The following FAM110B variants were observed in gnomAD, a reference collection of about 807,000 sequenced individuals.
The protein encoded by FAM110B is family with sequence similarity 110 member B.
FAM110B carries 6 observed loss-of-function variants against 20.4 expected under a neutral mutation model. That is an observed-to-expected ratio of 0.29 (90% CI 0.16 to 0.58). FAM110B has a LOEUF of 0.58. Ranked by LOEUF, FAM110B falls within the 20% of genes least tolerant of loss-of-function variation. The pLI, the probability that FAM110B is intolerant of heterozygous loss-of-function variation, is 0.90. For missense variants in FAM110B, 434 were observed against 498.2 expected (o/e 0.87, Z 1.23); for synonymous variants, 226 against 214.1 (o/e 1.06, Z -0.49).
chr8:58,004,113 G>T (rs560782396), intron 1 of FAM110B, among the ~76,000 whole-genome samples: 3 of 152,232 alleles, frequency 2.0e-5, no homozygotes, highest in South Asian at 4.1e-4. Context: ...TAAGAAGCAC[G>T]CAACCCAGAT....
At chr8:58,112,964 T>C (rs1807100217) in intron 3 of FAM110B, among the ~76,000 whole-genome samples, 1 of 152,102 alleles carries the variant, frequency 6.6e-6, no homozygotes, top group Non-Finnish European at 1.5e-5. Flanking sequence ...TGCCAACAGA[T>C]TTCGTGTCTA....
At chr8:58,006,924 T>TATATATATATATATATATATATA (rs6150600) in intron 1 of FAM110B, among the ~76,000 whole-genome samples, 87 of 110,910 alleles carry the variant, frequency 7.8e-4, no homozygotes, top group Non-Finnish European at 1.1e-3. Flanking sequence ...TATATATATA[T>TATATATATATATATATATATATA]TTTTCCAAAA....
intron 3 of FAM110B, among the ~76,000 whole-genome samples, chr8:58,135,144 C>T (rs1803579743): frequency 6.6e-6 from 1 of 152,226 alleles, no homozygotes; most frequent in Non-Finnish European, 1.5e-5. Context: ...CCCTCCATAG[C>T]TGAACATCTT....
chr8:58,046,057 A>G (rs913617817), intron 2 of FAM110B, among the ~76,000 whole-genome samples: 1 of 152,102 alleles, frequency 6.6e-6, no homozygotes, highest in Non-Finnish European at 1.5e-5. Context: ...TTGTATCCTA[A>G]TCATCTCCCA....
intron 2 of FAM110B, among the ~76,000 whole-genome samples, chr8:58,064,697 T>C (rs190814314): frequency 3.3e-5 from 5 of 152,342 alleles, no homozygotes; most frequent in Admixed American, 3.3e-4. Flanking sequence ...ACTCCCTAAA[T>C]GCTTTATGTG....
At chr8:58,110,948 A>G (rs1414238063) in intron 3 of FAM110B, among the ~76,000 whole-genome samples, 1 of 152,192 alleles carries the variant, frequency 6.6e-6, no homozygotes, top group Non-Finnish European at 1.5e-5. Flanking sequence ...CAAACATAAA[A>G]TCTTCTAAAT....
At chr8:58,001,610 T>G (rs1454927832) in intron 1 of FAM110B, among the ~76,000 whole-genome samples, 1 of 152,198 alleles carries the variant, frequency 6.6e-6, no homozygotes, top group Non-Finnish European at 1.5e-5. Context: ...TACCAGCCTT[T>G]TTCTGAGTAA....
At chr8:58,113,098 C>G (rs910200701) in intron 3 of FAM110B, 1 of 151,446 alleles carries the variant, frequency 6.6e-6, no homozygotes, top group Admixed American at 6.6e-5. Flanking sequence ...TGGGGGGGGG[C>G]TCTGCCCTCA....
intron 3 of FAM110B, among the ~76,000 whole-genome samples, chr8:58,096,923 A>G (rs1356159955): frequency 6.6e-6 from 1 of 152,150 alleles, no homozygotes; most frequent in Non-Finnish European, 1.5e-5. Flanking sequence ...TGTTAGTCTG[A>G]TGGGCTTCCC....
At chr8:58,080,397 GGAAA>G (rs1397692689) in intron 3 of FAM110B, among the ~76,000 whole-genome samples, 1 of 152,180 alleles carries the variant, frequency 6.6e-6, no homozygotes, top group African/African-American at 2.4e-5. Context: ...ATACAAAGAG[GGAAA>G]GAGACTGTTA....
intron 1 of FAM110B, among the ~76,000 whole-genome samples, chr8:58,010,295 T>G (rs1310368226): frequency 6.6e-6 from 1 of 152,024 alleles, no homozygotes; most frequent in Admixed American, 6.6e-5. Context: ...GTGCTGGGAT[T>G]ACAGGTGTGC....
intron 2 of FAM110B, among the ~76,000 whole-genome samples, chr8:58,049,765 C>T (rs1443680638): frequency 6.6e-6 from 1 of 152,112 alleles, no homozygotes; most frequent in African/African-American, 2.4e-5. Flanking sequence ...TATTTTATTT[C>T]AGAATATTTA....
chr8:58,010,880 G>A (rs762204281), intron 1 of FAM110B, among the ~76,000 whole-genome samples: 16 of 152,114 alleles, frequency 1.1e-4, no homozygotes, highest in African/African-American at 1.7e-4. Flanking sequence ...CTACAGCTAC[G>A]GTGGAAAGCT....
intron 2 of FAM110B, among the ~76,000 whole-genome samples, chr8:58,047,598 CTCTCT>C (rs1563350471): frequency 1.6e-5 from 2 of 121,276 alleles, no homozygotes; most frequent in Admixed American, 7.6e-5. Flanking sequence ...TTTCCTCTCT[CTCTCT>C]CTCTCTCTCT....
intron 2 of FAM110B, among the ~76,000 whole-genome samples, chr8:58,041,473 AG>A (rs1158847979): frequency 2.6e-5 from 4 of 152,182 alleles, no homozygotes; most frequent in Non-Finnish European, 5.9e-5. Context: ...GTGATATTTT[AG>A]CCAACATATC....
intron 3 of FAM110B, among the ~76,000 whole-genome samples, chr8:58,121,188 G>A (rs1191404032): frequency 1.3e-5 from 2 of 152,170 alleles, no homozygotes; most frequent in Non-Finnish European, 2.9e-5. Flanking sequence ...CTGGGGAGGT[G>A]CCATGCAAAC....
chr8:58,147,196 G>A lies in FAM110B; in HGVS notation c.966G>A (p.Gln322=). The change falls in exon 4 of 4, where the codon CAG becomes CAA. Residue 322 remains glutamine, a synonymous_variant. Transcript: ENST00000519262. ...SMISSDCEQS[Q]DSNSDLRNDD... is the part of the protein sequence containing the mutation. ...TCAGCTCAGACTGTGAACAGTCTCAGGACAGTAACAGTGACCTTAGAAATG... is the reference window on the plus strand; with the variant it reads ...TCAGCTCAGACTGTGAACAGTCTCAAGACAGTAACAGTGACCTTAGAAATG... 1 of 1,614,130 alleles carries A rather than the reference G, an allele frequency of 6.2e-7. No individual in the cohort carries two copies.
At chr8:58,065,168 T>A (rs1246772419) in intron 2 of FAM110B, among the ~76,000 whole-genome samples, 1 of 152,194 alleles carries the variant, frequency 6.6e-6, no homozygotes, top group Non-Finnish European at 1.5e-5. Context: ...GCTTTACCCG[T>A]GCAAAATTAT....
At chr8:58,142,829 A>G (rs765300930) in intron 3 of FAM110B, among the ~76,000 whole-genome samples, 1 of 152,196 alleles carries the variant, frequency 6.6e-6, no homozygotes, top group African/African-American at 2.4e-5. Flanking sequence ...ATTTTTGTTG[A>G]TGAAACCCTA....
Sources: gnomAD v4.1 joint callset for allele counts (sites outside exome capture counted in the v4.1 genomes callset) on GRCh38, gnomAD v4.1.1 for gene constraint, MANE v1.5 for transcripts, NCBI Gene and HGNC (gene_info 2026-07-23, HGNC 2026-07-21) for gene names.